The following MYO5B variants were observed in gnomAD, a reference collection of about 807,000 sequenced individuals.
MYO5B encodes myosin VB.
A neutral mutation model predicts 229.3 loss-of-function variants in MYO5B; 143 were observed. The ratio of observed to expected loss-of-function variants is 0.62; its 90% CI spans 0.54 to 0.72. The LOEUF (loss-of-function observed/expected upper bound fraction) is 0.72. MYO5B is among the 30% of genes least tolerant of loss of function. The pLI, the probability that MYO5B is intolerant of heterozygous loss-of-function variation, is 0.00. For missense variants in MYO5B, 2,321 were observed against 2,331.0 expected (o/e 1.00, Z 0.09); for synonymous variants, 918 against 885.2 (o/e 1.04, Z -0.66).
chr18:49,964,704 C>T (rs546730748), intron 10 of MYO5B, among the ~76,000 whole-genome samples: 47 of 152,318 alleles, frequency 3.1e-4, no homozygotes, highest in African/African-American at 9.6e-4. Flanking sequence ...CATTGTACTT[C>T]GTGAATTGTC....
At chr18:49,853,802 T>C (rs1397435321) in intron 30 of MYO5B, among the ~76,000 whole-genome samples, 155 bp from the exon 31 acceptor site, 5 of 152,236 alleles carry the variant, frequency 3.3e-5, no homozygotes. Context: ...ACAGATGCCA[T>C]GGGGACCACA....
At chr18:49,860,668 G>C (rs2144073637) in intron 29 of MYO5B, among the ~76,000 whole-genome samples, 1 of 152,302 alleles carries the variant, frequency 6.6e-6, no homozygotes, top group East Asian at 1.9e-4. Flanking sequence ...GCTTAAAGAG[G>C]CTATGACTGG....
intron 17 of MYO5B, among the ~76,000 whole-genome samples, chr18:49,916,356 C>T (rs559192103): frequency 1.3e-5 from 2 of 152,316 alleles, no homozygotes; most frequent in African/African-American, 2.4e-5. Flanking sequence ...GCTCTGATGC[C>T]GGCCGGCAGT....
rs542188440 is a variant in MYO5B, at chr18:49,894,615, G to A, written c.3045+326C>T. ...CAAGATCAGCCCCAGCCTCTGTCAC[G>A]GCTTTCTTGCCAACAAGGATGCGGG... On this transcript the variant is annotated intron_variant, in intron 22 of 39. Transcript: ENST00000285039. Among the ~76,000 whole-genome samples the A allele has an allele frequency of 1.1e-4, 16 of 152,280 alleles. No individual in the cohort carries two copies. The South Asian group carries it at 2.9e-3, about 28-fold the overall frequency.
At chr18:49,914,592 C>T (rs748313603) in intron 17 of MYO5B, among the ~76,000 whole-genome samples, 1 of 151,840 alleles carries the variant, frequency 6.6e-6, no homozygotes, top group Non-Finnish European at 1.5e-5. Flanking sequence ...CCAGCCTGGC[C>T]AACATAGTGA....
chr18:49,841,396 A>T lies in MYO5B; in HGVS notation c.4670T>A (p.Leu1557His), dbSNP rs776141062. The T allele has an allele frequency of 2.5e-6, 4 of 1,614,234 alleles. No individual in the cohort carries two copies. In the Admixed American group the frequency reaches 6.7e-5, roughly 27 times the overall value. ...CCCGCTGTACTGCTTCAGACAGTGAAGAAGGCGGCAGGTGTTGGATAACCA... is the reference window on the plus strand; with the variant it reads ...CCCGCTGTACTGCTTCAGACAGTGATGAAGGCGGCAGGTGTTGGATAACCA... Reference protein sequence around the residue: ...SFWLSNTCRLLHCLKQYSGDE... With the variant: ...SFWLSNTCRLHHCLKQYSGDE... The change falls in exon 35 of 40, where the codon CTT (leucine) becomes CAT (histidine). Residue 1557 changes from leucine to histidine, a missense_variant. By Grantham distance (99) the Leu-to-His change is moderately conservative. Transcript: ENST00000285039.
intron 1 of MYO5B, among the ~76,000 whole-genome samples, chr18:50,089,074 C>G (rs2031391424): frequency 6.6e-6 from 1 of 152,116 alleles, no homozygotes; most frequent in Admixed American, 6.5e-5. Context: ...AAAAGTTTAT[C>G]TGGAGCTCAA....
intron 1 of MYO5B, among the ~76,000 whole-genome samples, chr18:50,122,910 T>A (rs1229534838): frequency 6.6e-6 from 1 of 152,226 alleles, no homozygotes; most frequent in African/African-American, 2.4e-5. Context: ...AACAGCTTGA[T>A]GTCACCTGAG....
At chr18:49,879,223 T>A (rs1001953788) in intron 23 of MYO5B, 133 bp from the exon 24 acceptor site, 81 of 1,065,794 alleles carry the variant, frequency 7.6e-5, no homozygotes, top group Middle Eastern at 2.1e-4. Context: ...ATGAATCTAT[T>A]ACGCTCCTCA....
chr18:49,923,797 C>T (rs1309788033), intron 17 of MYO5B, among the ~76,000 whole-genome samples: 1 of 152,112 alleles, frequency 6.6e-6, no homozygotes, highest in Non-Finnish European at 1.5e-5. Flanking sequence ...ATCGGTGGCC[C>T]CTTATATACT....
At chr18:49,854,797 T>C (rs1292556253) in intron 30 of MYO5B, among the ~76,000 whole-genome samples, 1 of 152,124 alleles carries the variant, frequency 6.6e-6, no homozygotes, top group Non-Finnish European at 1.5e-5. Context: ...AGAATTATCA[T>C]AAGACAGGTG....
rs1166138315 is a variant in MYO5B, at chr18:49,992,427, A to G, written c.617T>C (p.Ile206Thr). ...VLASSPIMEA[I>T]GNAKTTRNDN... is the part of the protein sequence containing the mutation. ...ATTGCGGGTGGTCTTGGCATTTCCAATGGCCTGCACAGACCAGACAGACAA... is the reference window on the plus strand; with the variant it reads ...ATTGCGGGTGGTCTTGGCATTTCCAGTGGCCTGCACAGACCAGACAGACAA... The change falls in exon 6 of 40, where the codon ATT (isoleucine) becomes ACT (threonine). Residue 206 changes from isoleucine to threonine, a missense_variant. By Grantham distance (89) the Ile-to-Thr change is moderately conservative. Transcript: ENST00000285039. 10 of 1,614,074 alleles carry G rather than the reference A, an allele frequency of 6.2e-6. No individual in the cohort carries two copies. The highest frequency in any genetic ancestry group is 7.6e-6 in the Non-Finnish European group (9 of 1,180,002).
intron 4 of MYO5B, among the ~76,000 whole-genome samples, chr18:50,003,176 C>A (rs2026066524): frequency 6.6e-6 from 1 of 152,270 alleles, no homozygotes; most frequent in East Asian, 1.9e-4. Context: ...CAAGAAGTGT[C>A]CCAGCTCACA....
intron 33 of MYO5B, among the ~76,000 whole-genome samples, chr18:49,845,887 TCA>T (rs1170010878): frequency 6.6e-6 from 1 of 152,122 alleles, no homozygotes; most frequent in Non-Finnish European, 1.5e-5. Flanking sequence ...GCTGCACAGG[TCA>T]CACAGACTCC....
intron 1 of MYO5B, among the ~76,000 whole-genome samples, chr18:50,163,117 C>G (rs2032794591): frequency 6.6e-6 from 1 of 152,198 alleles, no homozygotes; most frequent in Non-Finnish European, 1.5e-5. Flanking sequence ...AGGTTGCCAG[C>G]TTTCCAAGAC....
At chr18:49,965,455 TCA>T (rs57101973) in intron 10 of MYO5B, among the ~76,000 whole-genome samples, 2,622 of 147,204 alleles carry the variant, frequency 0.018, 71 homozygotes, top group African/African-American at 0.062. Flanking sequence ...ACACTTCTTT[TCA>T]CACACACACA....
chr18:49,946,816 T>C (rs1336528651), intron 14 of MYO5B, among the ~76,000 whole-genome samples: 3 of 31,530 alleles, frequency 9.5e-5, no homozygotes, highest in African/African-American at 3.9e-4. Context: ...GGAATATTAG[T>C]TCTCAAAAGG....
At chr18:50,185,287 T>A (rs4939953) in intron 1 of MYO5B, among the ~76,000 whole-genome samples, 2 of 148,918 alleles carry the variant, frequency 1.3e-5, no homozygotes, top group Admixed American at 6.6e-5. Flanking sequence ...TGAATAAGAA[T>A]TTAAAAAAAA....
chr18:49,945,540 G>A (rs1459716845), intron 14 of MYO5B, among the ~76,000 whole-genome samples: 2 of 151,910 alleles, frequency 1.3e-5, no homozygotes, highest in African/African-American at 4.8e-5. Flanking sequence ...GTCACCGAAA[G>A]CGTGAGGGCA....
Sources: gnomAD v4.1 joint callset for allele counts (sites outside exome capture counted in the v4.1 genomes callset) on GRCh38, gnomAD v4.1.1 for gene constraint, MANE v1.5 for transcripts, NCBI Gene and HGNC (gene_info 2026-07-23, HGNC 2026-07-21) for gene names.